PKP2: variants seen among roughly 807,000 people sequenced by gnomAD.
The protein encoded by PKP2 is plakophilin-2.
PKP2 carries 73 observed loss-of-function variants against 83.4 expected under a neutral mutation model. The ratio of observed to expected loss-of-function variants is 0.88; its 90% CI spans 0.72 to 1.06. PKP2 has a LOEUF of 1.06. PKP2 is among the 50% of genes least tolerant of loss of function. The pLI, the probability that PKP2 is intolerant of heterozygous loss-of-function variation, is 0.00. For synonymous variants in PKP2, 409 were observed against 430.4 expected (o/e 0.95, Z 0.62); for missense variants, 966 against 1,065.4 (o/e 0.91, Z 1.30).
chr12:32,829,983 A>T (rs1376168972), intron 6 of PKP2, among the ~76,000 whole-genome samples: 1 of 152,100 alleles, frequency 6.6e-6, no homozygotes, highest in Non-Finnish European at 1.5e-5. Context: ...TGAAGTTCTA[A>T]TCAGCACTCT....
chr12:32,808,936 C>T (rs1208964676), intron 9 of PKP2, among the ~76,000 whole-genome samples: 3 of 152,138 alleles, frequency 2.0e-5, no homozygotes, highest in Non-Finnish European at 4.4e-5. Flanking sequence ...TGACCTGCTG[C>T]TGGCCCAAAT....
At chr12:32,827,958 C>T (rs1228301288) in intron 6 of PKP2, among the ~76,000 whole-genome samples, 1 of 152,122 alleles carries the variant, frequency 6.6e-6, no homozygotes, top group African/African-American at 2.4e-5. Flanking sequence ...AAAAACAGGT[C>T]CTTAGGGGTT....
intron 5 of PKP2, among the ~76,000 whole-genome samples, chr12:32,847,635 C>T (rs992693599): frequency 9.9e-5 from 15 of 152,196 alleles, no homozygotes; most frequent in Non-Finnish European, 1.2e-4. Context: ...TCTAAATGAC[C>T]GGCAGCTAGT....
chr12:32,832,723 TA>T (rs1417858246), intron 6 of PKP2, among the ~76,000 whole-genome samples: 1 of 152,204 alleles, frequency 6.6e-6, no homozygotes, highest in Non-Finnish European at 1.5e-5. Context: ...AGTTTTATGG[TA>T]AATTCTTCTC....
At chr12:32,866,236 T>C (rs924583519) in intron 4 of PKP2, among the ~76,000 whole-genome samples, 7 of 151,912 alleles carry the variant, frequency 4.6e-5, no homozygotes, top group Non-Finnish European at 1.0e-4. Context: ...AAAGAAGATA[T>C]GTAAGTGGCA....
chr12:32,855,733 G>C (rs978434842), intron 4 of PKP2, among the ~76,000 whole-genome samples: 2 of 126,092 alleles, frequency 1.6e-5, no homozygotes, highest in Non-Finnish European at 3.1e-5. Flanking sequence ...CCGAGATCAA[G>C]CCTCTGCACT....
chr12:32,896,386 C>T lies in PKP2; in HGVS notation c.223+123G>A, dbSNP rs368644193. 1.6e-4 allele frequency: 111 copies of T among 687,844 alleles called. 1 individual carries two copies. In the South Asian group the frequency reaches 2.1e-3, roughly 13 times the overall value. The allele number at this position is 687,844 out of a possible 1,614,324, so 42.6% of individuals were successfully genotyped here. ...AGCAAGTCGGTCATACCGAAGACGGCGAGCAACAGGTGGGCAGAACACGGG... is the reference window on the plus strand; with the variant it reads ...AGCAAGTCGGTCATACCGAAGACGGTGAGCAACAGGTGGGCAGAACACGGG... On this transcript the variant is annotated intron_variant, in intron 1 of 12. Transcript: ENST00000340811.
chr12:32,891,583 T>C (rs1318258618), intron 1 of PKP2, among the ~76,000 whole-genome samples: 3 of 152,180 alleles, frequency 2.0e-5, no homozygotes. Context: ...CTAGAATATT[T>C]AATACAAAAG....
At chr12:32,837,189 A>G (rs1391650446) in intron 6 of PKP2, among the ~76,000 whole-genome samples, 1 of 152,198 alleles carries the variant, frequency 6.6e-6, no homozygotes, top group Non-Finnish European at 1.5e-5. Context: ...GAGACTATGA[A>G]GGGCAGGGGC....
At chr12:32,809,718 A>C (rs552881610) in intron 9 of PKP2, among the ~76,000 whole-genome samples, 1 of 151,806 alleles carries the variant, frequency 6.6e-6, no homozygotes, top group Non-Finnish European at 1.5e-5. Flanking sequence ...GCGTGGGCTC[A>C]TGAGGGGATC....
chr12:32,890,258 T>C (rs1232820957), intron 1 of PKP2, among the ~76,000 whole-genome samples: 2 of 152,118 alleles, frequency 1.3e-5, no homozygotes, highest in Admixed American at 1.3e-4. Context: ...TTTGTTTTCA[T>C]TCTTCAATGA....
chr12:32,834,578 G>T (rs1323633341), intron 6 of PKP2, among the ~76,000 whole-genome samples: 2 of 151,998 alleles, frequency 1.3e-5, no homozygotes, highest in Non-Finnish European at 2.9e-5. Flanking sequence ...TAGTCTGATG[G>T]AGCCCCTACC....
chr12:32,823,131 T>C (rs2137779836), intron 7 of PKP2, among the ~76,000 whole-genome samples: 1 of 152,278 alleles, frequency 6.6e-6, no homozygotes, highest in South Asian at 2.1e-4. Context: ...AGAAGGATTA[T>C]AGTCCAGGTG....
At chr12:32,855,241 G>C (rs895770381) in intron 4 of PKP2, among the ~76,000 whole-genome samples, 4 of 152,160 alleles carry the variant, frequency 2.6e-5, no homozygotes, top group Non-Finnish European at 5.9e-5. Context: ...AATGGGGGAA[G>C]ACTGGTTGAT....
chr12:32,851,131 C>T (rs1956693593), intron 4 of PKP2, among the ~76,000 whole-genome samples, 158 bp from the exon 5 acceptor site: 1 of 152,148 alleles, frequency 6.6e-6, no homozygotes, highest in African/African-American at 2.4e-5. Context: ...GAATATACCC[C>T]GGCTATAAGG....
chr12:32,805,289 CAGA>C (rs1366881909), intron 9 of PKP2, among the ~76,000 whole-genome samples: 2 of 152,042 alleles, frequency 1.3e-5, no homozygotes, highest in African/African-American at 4.8e-5. Context: ...TTTTGCTGTG[CAGA>C]AGCTCTTTAG....
At chr12:32,801,109 C>T (rs1956174544) in intron 10 of PKP2, among the ~76,000 whole-genome samples, 1 of 152,210 alleles carries the variant, frequency 6.6e-6, no homozygotes, top group Non-Finnish European at 1.5e-5. Context: ...TTGCTGAAGC[C>T]TCTTTTCTCT....
chr12:32,839,709 A>G (rs1001082093), intron 6 of PKP2, among the ~76,000 whole-genome samples: 2 of 152,178 alleles, frequency 1.3e-5, no homozygotes, highest in Admixed American at 6.5e-5. Context: ...TACATCTGCC[A>G]TACTAAGAAC....
At chr12:32,874,197 T>C (rs991923522) in intron 3 of PKP2, among the ~76,000 whole-genome samples, 3 of 152,194 alleles carry the variant, frequency 2.0e-5, no homozygotes. Context: ...GGAGTTTCAC[T>C]AGGCATAAAA....
Sources: gnomAD v4.1 joint callset for allele counts (sites outside exome capture counted in the v4.1 genomes callset) on GRCh38, gnomAD v4.1.1 for gene constraint, MANE v1.5 for transcripts, NCBI Gene and HGNC (gene_info 2026-07-23, HGNC 2026-07-21) for gene names.